The following SEC24C variants were observed in gnomAD, a reference collection of about 807,000 sequenced individuals.
The protein encoded by SEC24C is SEC24 homolog C, COPII component.
Under a neutral mutation model 117.0 loss-of-function variants are expected in SEC24C, and 22 were observed. The ratio of observed to expected loss-of-function variants is 0.19; its 90% confidence interval spans 0.13 to 0.27. SEC24C has a LOEUF of 0.27. SEC24C is among the 10% of genes least tolerant of loss of function. The probability of loss-of-function intolerance (pLI) is 1.00; values close to 1 mark genes in which losing one functional copy is unlikely to be tolerated. For synonymous variants in SEC24C, 506 were observed against 529.4 expected (o/e 0.96, Z 0.61); for missense variants, 1,155 against 1,375.1 (o/e 0.84, Z 2.53).
Position 73,766,168 on chromosome 10 carries a change from T to C in SEC24C, c.1565T>C (p.Leu522Pro), listed in dbSNP as rs1371086715. The C allele has an allele frequency of 1.2e-6, 2 of 1,613,964 alleles. No homozygotes were observed. The highest frequency in any genetic ancestry group is 2.2e-5 in the East Asian group (1 of 44,882). The change falls in exon 11 of 23, where the codon CTC (leucine) becomes CCC (proline). Residue 522 changes from leucine to proline, a missense_variant. By Grantham distance (98) the Leu-to-Pro change is moderately conservative. Coordinates refer to ENST00000345254, the MANE Select transcript of SEC24C (RefSeq NM_198597.3). Reference protein sequence around the residue: ...YNAIRTGLVRLLCEELKSLLD... With the variant: ...YNAIRTGLVRPLCEELKSLLD... ...GCCATCAGGACTGGTCTTGTTAGGC[T>C]CCTCTGTGAGGAGCTCAAGTCACTG...
At chr10:73,746,509 C>A (rs1212716011) in intron 1 of SEC24C, 4 of 218,512 alleles carry the variant, frequency 1.8e-5, no homozygotes, top group Non-Finnish European at 3.6e-5. Flanking sequence ...CACTAGAAAT[C>A]ATACCACTGG....
At chr10:73,764,849 T>C (rs2082856472) in intron 8 of SEC24C, among the ~76,000 whole-genome samples, 2 of 152,218 alleles carry the variant, frequency 1.3e-5, no homozygotes, top group African/African-American at 4.8e-5. Flanking sequence ...TATCTTACGA[T>C]AGGGTTCTCT....
chr10:73,763,701 G>GTTTTTTTTTTTTTTTTTTTT (rs889435844), intron 7 of SEC24C, 100 bp downstream of exon 7: 5 of 143,904 alleles, frequency 3.5e-5, no homozygotes, highest in East Asian at 1.4e-4. Flanking sequence ...TTTTTTTTTA[G>GTTTTTTTTTTTTTTTTTTTT]TTTTTAACCA....
chr10:73,767,101 C>A lies in SEC24C; in HGVS notation c.1941C>A (p.Pro647=). The change falls in exon 14 of 23, where the codon CCC becomes CCA. Residue 647 remains proline, a synonymous_variant. Coordinates refer to ENST00000345254, the MANE Select transcript of SEC24C (RefSeq NM_198597.3). The stretch of plus-strand genomic sequence containing the variant: ...TCTTTCTATTCCATACATCCCTGCC[C>A]ATTGCAGAGGCCCCAGGGAAACTGA... ...GKLFLFHTSL[P]IAEAPGKLKN... is the part of the protein sequence containing the mutation. 6.2e-7 allele frequency: 1 copy of A among 1,614,060 alleles called. No individual in the cohort carries two copies.
chr10:73,763,738 G>C, intron 7 of SEC24C, 118 bp from the exon 8 acceptor site: 1 of 1,080,108 alleles, frequency 9.3e-7, no homozygotes, highest in African/African-American at 1.7e-5. Context: ...AGTCCCTCTG[G>C]GGGAAAAAGC....
chr10:73,747,175 T>C (rs2082567677), intron 2 of SEC24C, among the ~76,000 whole-genome samples, 171 bp downstream of exon 2: 1 of 152,088 alleles, frequency 6.6e-6, no homozygotes, highest in Non-Finnish European at 1.5e-5. Flanking sequence ...TCCCTTCCCT[T>C]TTTTTATTAT....
intron 1 of SEC24C, among the ~76,000 whole-genome samples, chr10:73,745,249 A>C (rs1342907831): frequency 6.6e-6 from 1 of 152,150 alleles, no homozygotes; most frequent in Non-Finnish European, 1.5e-5. Flanking sequence ...GACCCTGTTT[A>C]GAAAAGGCCC....
intron 8 of SEC24C, 41 bp downstream of exon 8, chr10:73,764,024 A>G (rs1565044839): frequency 6.5e-7 from 1 of 1,546,998 alleles, no homozygotes; most frequent in East Asian, 2.4e-5. Flanking sequence ...AAAGGGAGGG[A>G]GGTAGAGAGG....
In SEC24C at chr10:73,763,871, G is replaced by A. The variant is rs769743429; in HGVS notation, c.1115G>A (p.Arg372Gln). The change falls in exon 8 of 23, where the codon CGA (arginine) becomes CAA (glutamine). Residue 372 changes from arginine to glutamine, a missense_variant. By Grantham distance (43) the Arg-to-Gln change is conservative. Around this residue, in one of 2 missense-constraint regions of SEC24C, gnomAD observed 759 missense variants for 992.3 expected, o/e 0.76. Transcript: ENST00000345254. ...LVKDQGNASP[R>Q]YIRCTSYNIP... ...CCTTCTTCAGGGAATGCAAGTCCCC[G>A]ATACATCCGATGTACATCCTATAAT... 9.3e-6 allele frequency: 15 copies of A among 1,613,432 alleles called. No homozygotes were observed. The highest frequency in any genetic ancestry group is 1.3e-5 in the Non-Finnish European group (15 of 1,179,808).
chr10:73,770,220 C>T (rs1036651162), intron 20 of SEC24C, 60 bp from the exon 21 acceptor site: 16 of 1,491,520 alleles, frequency 1.1e-5, no homozygotes, highest in South Asian at 5.1e-5. Context: ...GTGTGTGGTG[C>T]GGGGGGGCAG....
chr10:73,768,236 T>C (rs1037578746), intron 15 of SEC24C, among the ~76,000 whole-genome samples: 1 of 152,012 alleles, frequency 6.6e-6, no homozygotes, highest in Non-Finnish European at 1.5e-5. Flanking sequence ...ATACAAAAAT[T>C]AGTCGGGTGT....
In SEC24C at chr10:73,765,504, C is replaced by G. The variant is rs2082869045; in HGVS notation, c.1281C>G (p.Arg427=). 1.2e-6 allele frequency: 2 copies of G among 1,614,168 alleles called. No homozygotes were observed. The highest frequency in any genetic ancestry group is 1.7e-6 in the Non-Finnish European group (2 of 1,179,974). The part of the protein sequence containing the change: ...HGESGPLRCN[R]CKAYMCPFMQ... ...AATCTGGCCCTTTGCGCTGCAACCG[C>G]TGCAAAGCATACATGTGTCCCTTCA... Residue 427 remains arginine, a synonymous_variant, in exon 9 of 23, where the codon CGC becomes CGG. Transcript: ENST00000345254.
chr10:73,768,802 G>GCCGC lies in SEC24C; in HGVS notation c.2182-6_2182-5insGCCC. 6.2e-7 allele frequency: 1 copy of GCCGC among 1,612,754 alleles called. No individual in the cohort carries two copies. The highest frequency in any genetic ancestry group is 8.5e-7 in the Non-Finnish European group (1 of 1,179,948). ...CAGTGACATGACTCTGGACCTGGGG[G>GCCGC]CCTGCAGGTGGAGAACGACCAGGAG... On this transcript the variant is annotated splice_region_variant and splice_polypyrimidine_tract_variant and intron_variant, in intron 15 of 22. Coordinates refer to ENST00000345254, the MANE Select transcript of SEC24C (RefSeq NM_198597.3).
chr10:73,746,821 A>T lies in SEC24C; in HGVS notation c.-12A>T, dbSNP rs2082560829. 2.5e-6 allele frequency: 4 copies of T among 1,595,172 alleles called. No individual in the cohort carries two copies. Among genetic ancestry groups the T allele is most frequent in the Non-Finnish European group, 3.4e-6 (4 of 1,168,552 alleles). On this transcript the variant is annotated 5_prime_UTR_variant, in exon 2 of 23. Transcript: ENST00000345254. ...CTCTCACAGGTGAGATCAAATTGGG[A>T]ATGCTTTCATAATGAACGTCAACCA...
At chr10:73,750,345 A>G (rs1005905601) in intron 2 of SEC24C, among the ~76,000 whole-genome samples, 2 of 152,234 alleles carry the variant, frequency 1.3e-5, no homozygotes, top group African/African-American at 2.4e-5. Context: ...TTCAAAAGTG[A>G]TGTGCCAAGT....
chr10:73,757,073 G>A (rs1231616574), intron 3 of SEC24C, among the ~76,000 whole-genome samples: 2 of 147,598 alleles, frequency 1.4e-5, no homozygotes, highest in Non-Finnish European at 3.0e-5. Context: ...ACCACGCCTG[G>A]GCTAATTTTT....
Position 73,759,758 on chromosome 10 carries a change from G to A in SEC24C, c.445G>A (p.Val149Met). 6.2e-7 allele frequency: 1 copy of A among 1,603,400 alleles called. No individual in the cohort carries two copies. Among genetic ancestry groups the A allele is most frequent in the Non-Finnish European group, 8.5e-7 (1 of 1,176,614 alleles). ...QLSGMQISGA[V>M]APAPPSSGLG... ...GTCTGGAATGCAGATCAGCGGTGCT[G>A]TGGCCCCAGCCCCTCCTTCTTCAGG... is the stretch of plus-strand genomic sequence containing the variant. Residue 149 changes from valine (V) to methionine (M), a missense_variant, in exon 4 of 23, where the codon GTG becomes ATG. By Grantham distance (21) the Val-to-Met change is conservative. Coordinates refer to ENST00000345254, the MANE Select transcript of SEC24C (RefSeq NM_198597.3).
chr10:73,770,089 G>GT, intron 20 of SEC24C, 74 bp downstream of exon 20: 1 of 1,411,366 alleles, frequency 7.1e-7, no homozygotes, highest in South Asian at 1.2e-5. Flanking sequence ...GGATAGGCTA[G>GT]TATCAGTCAG....
At chr10:73,754,677 T>G (rs2082686118) in intron 3 of SEC24C, among the ~76,000 whole-genome samples, 1 of 152,170 alleles carries the variant, frequency 6.6e-6, no homozygotes, top group Non-Finnish European at 1.5e-5. Context: ...AGACTGATGC[T>G]AGGACTGGAG....
Sources: allele counts gnomAD v4.1 joint callset (sites outside exome capture counted in the v4.1 genomes callset), GRCh38; gene constraint gnomAD v4.1.1; regional missense constraint gnomAD v4.1.1; transcripts MANE v1.5; gene names NCBI Gene and HGNC (gene_info 2026-07-23, HGNC 2026-07-21).